The following PLEC variants were observed in gnomAD, a reference collection of about 807,000 sequenced individuals.
The protein encoded by PLEC is hemidesmosomal protein 1.
Under a neutral mutation model 392.8 loss-of-function variants are expected in PLEC, and 216 were observed. That is an observed-to-expected ratio of 0.55 (90% CI 0.49 to 0.62). The LOEUF (loss-of-function observed/expected upper bound fraction) is 0.62, where lower values mean the gene tolerates loss of function less well. PLEC is among the 20% of genes least tolerant of loss of function. PLEC has a pLI of 0.00. For missense variants in PLEC, 6,863 were observed against 6,563.4 expected (o/e 1.05, Z -1.58); for synonymous variants, 3,621 against 2,980.6 (o/e 1.21, Z -7.00).
At chr8:143,944,701 G>T (rs781803848) in intron 1 of PLEC, 5 of 1,304,694 alleles carry the variant, frequency 3.8e-6, no homozygotes, top group Non-Finnish European at 4.9e-6. Flanking sequence ...CAGACGGAGC[G>T]GGCCAGGGGT....
intron 1 of PLEC, among the ~76,000 whole-genome samples, chr8:143,949,746 C>T (rs1340932223): frequency 2.6e-5 from 4 of 152,202 alleles, no homozygotes; most frequent in African/African-American, 9.6e-5. Flanking sequence ...CATCAACCCC[C>T]GCGGCAAGGG....
rs782819815 is a variant in PLEC at position 143,927,608 on chromosome 8, C to A, written c.3558G>T (p.Glu1186Asp). 6.3e-7 allele frequency: 1 copy of A among 1,587,444 alleles called. No homozygotes were observed. Among genetic ancestry groups the A allele is most frequent in the South Asian group, 1.1e-5 (1 of 89,496 alleles). The change falls in exon 27 of 32, where the codon GAG becomes GAT. Residue 1186 changes from glutamate (E) to aspartate (D), a missense_variant. Glu to Asp is a conservative substitution (Grantham distance 45, BLOSUM62 2). Coordinates refer to ENST00000345136, the MANE Select transcript of PLEC (RefSeq NM_201384.3). ...RWRERVAQLL[E>D]RWQAVLAQTD... Reference sequence around the variant, plus strand: ...TCTGGGCCAGCACAGCCTGCCAGCGCTCAAGCAACTGGGCGACCCGCTCCC... The same window carrying A: ...TCTGGGCCAGCACAGCCTGCCAGCGATCAAGCAACTGGGCGACCCGCTCCC...
chr8:143,967,398 C>G (rs1357387848), intron 1 of PLEC, among the ~76,000 whole-genome samples: 2 of 136,552 alleles, frequency 1.5e-5, no homozygotes, highest in African/African-American at 5.5e-5. Flanking sequence ...AAGAAACAGA[C>G]AGAATTAAAC....
Position 143,916,239 on chromosome 8 carries a change from C to CGTAGCCCGAGGAGGA in PLEC, c.13567_13581dup (p.Ser4523_Tyr4527dup). 6.5e-7 allele frequency: 1 copy of CGTAGCCCGAGGAGGA among 1,546,648 alleles called. No individual in the cohort carries two copies. Among genetic ancestry groups the CGTAGCCCGAGGAGGA allele is most frequent in the Non-Finnish European group, 8.7e-7 (1 of 1,145,870 alleles). ...GAGGACCCCGAGGCGTAGCGGCGGC[C>CGTAGCCCGAGGAGGA]GTAGCCCGAGGAGGAGTAGGAGGAT... is the stretch of plus-strand genomic sequence containing the variant. On this transcript the variant is annotated inframe_insertion, in exon 32 of 32. Coordinates refer to ENST00000345136, the MANE Select transcript of PLEC (RefSeq NM_201384.3).
intron 5 of PLEC, among the ~76,000 whole-genome samples, chr8:143,936,250 C>T (rs553883612): frequency 2.0e-5 from 3 of 152,298 alleles, no homozygotes; most frequent in South Asian, 2.1e-4. Flanking sequence ...GCTGCCACCA[C>T]GCAGCTCAGA....
chr8:143,937,126 G>A, intron 4 of PLEC, 39 bp downstream of exon 4: 2 of 1,607,948 alleles, frequency 1.2e-6, no homozygotes, highest in African/African-American at 1.3e-5. Context: ...GCTTGGTGAG[G>A]GGTCTGGGTG....
upstream of PLEC, among the ~76,000 whole-genome samples, chr8:143,976,037 A>G (rs1462732603): frequency 2.6e-5 from 4 of 151,964 alleles, no homozygotes; most frequent in Non-Finnish European, 5.9e-5. Flanking sequence ...AGGACTCCCC[A>G]TCACGCCACC....
rs1829580731 is a variant in PLEC at position 143,938,242 on chromosome 8, T to C, written c.175-2A>G. On this transcript the variant is annotated splice_acceptor_variant, in intron 2 of 31. Coordinates refer to ENST00000345136, the MANE Select transcript of PLEC (RefSeq NM_201384.3). LOFTEE classifies it high-confidence loss of function. ...CAGGTCACTGATGTGCCTCTGGGCC[T>C]GTGGGGACAGCAGCGGCTGAGGTGG... The C allele has an allele frequency of 6.3e-7, 1 of 1,595,886 alleles. No homozygotes were observed. Among genetic ancestry groups the C allele is most frequent in the South Asian group, 1.1e-5 (1 of 88,850 alleles).
intron 30 of PLEC, among the ~76,000 whole-genome samples, chr8:143,926,125 C>CCGCAG (rs1230555072): frequency 6.6e-6 from 1 of 152,246 alleles, no homozygotes; most frequent in Non-Finnish European, 1.5e-5. Context: ...TCCCTGCTTC[C>CCGCAG]CGCAGACAGG....
rs1441307300 is a variant in PLEC at position 143,921,029 on chromosome 8, T to A, written c.8792A>T (p.Glu2931Val). 6.2e-7 allele frequency: 1 copy of A among 1,612,854 alleles called. No homozygotes were observed. The highest frequency in any genetic ancestry group is 1.7e-5 in the Admixed American group (1 of 60,016). ...CCGCCGCTGCTCTGCCGTGAAGTAT[T>A]CCGAGTTGATGATCTCCCAAATGGT... ...TVTIWEIINS[E>V]YFTAEQRRDL... The change falls in exon 32 of 32, where the codon GAA becomes GTA. Residue 2931 changes from glutamate to valine, a missense_variant. By Grantham distance (121) the Glu-to-Val change is moderately radical (BLOSUM62 -2). Transcript: ENST00000345136.
intron 17 of PLEC, 30 bp downstream of exon 17, chr8:143,932,100 G>A (rs782776601): frequency 2.2e-5 from 30 of 1,370,746 alleles, no homozygotes; most frequent in African/African-American, 1.9e-4. Flanking sequence ...GGCCCCCCCC[G>A]CAGCCCCGCC....
At chr8:143,960,142 C>G (rs1832803609) in intron 1 of PLEC, among the ~76,000 whole-genome samples, 4 of 151,508 alleles carry the variant, frequency 2.6e-5, no homozygotes, top group Admixed American at 1.3e-4. Flanking sequence ...ATTAGCTGGG[C>G]ATGGTGGTGC....
chr8:143,917,771 G>C lies in PLEC; in HGVS notation c.12050C>G (p.Pro4017Arg). The change falls in exon 32 of 32, where the codon CCC becomes CGC. Residue 4017 changes from proline to arginine, a missense_variant. Coordinates refer to ENST00000345136, the MANE Select transcript of PLEC (RefSeq NM_201384.3). ...AERAVTGYKDPYSGKLISLFQ... is the reference protein window; with the variant it reads ...AERAVTGYKDRYSGKLISLFQ... ...GAGGGAGATGAGCTTCCCAGAGTAG[G>C]GGTCCTTGTACCCAGTGACGGCGCG... 6.2e-7 allele frequency: 1 copy of C among 1,613,560 alleles called. No individual in the cohort carries two copies. Among genetic ancestry groups the C allele is most frequent in the Non-Finnish European group, 8.5e-7 (1 of 1,179,990 alleles).
At chr8:143,943,749 G>A (rs782581557), upstream of PLEC, 14 of 1,602,390 alleles carry the variant, frequency 8.7e-6, no homozygotes, top group East Asian at 2.3e-5. Context: ...GCCCCGCCTC[G>A]AGTCCCTGGC....
chr8:143,975,068 C>A, upstream of PLEC: 3 of 1,233,644 alleles, frequency 2.4e-6, no homozygotes, highest in Non-Finnish European at 3.5e-6. The surrounding 1 kb of genome is among the most constrained non-coding windows in gnomAD (Gnocchi z 9.9). Flanking sequence ...ACCCGCAGAT[C>A]CCCCTAGGCC....
In PLEC at chr8:143,927,881, C is replaced by T. The variant is rs1051657609; in HGVS notation, c.3372G>A (p.Glu1124=). ...EAQAVPATLP[E]LEATKASLKK... ...TCAGAGAGGCCTTGGTGGCCTCGAG[C>T]TCCGGGAGGGTGGCCGGCACGGCCT... is the stretch of plus-strand genomic sequence containing the variant. The change falls in exon 26 of 32, where the codon GAG becomes GAA. Residue 1124 remains glutamate (E), a synonymous_variant. Coordinates refer to ENST00000345136, the MANE Select transcript of PLEC (RefSeq NM_201384.3). 10 of 1,591,198 alleles carry T rather than the reference C, an allele frequency of 6.3e-6. No homozygotes were observed. In the Admixed American group the frequency reaches 7.1e-5, roughly 11 times the overall value.
In PLEC at chr8:143,922,760, G is replaced by C. The variant is rs1554690426; in HGVS notation, c.7169C>G (p.Ala2390Gly). The C allele has an allele frequency of 6.2e-7, 1 of 1,607,716 alleles. No individual in the cohort carries two copies. Among genetic ancestry groups the C allele is most frequent in the Non-Finnish European group, 8.5e-7 (1 of 1,178,884 alleles). ...AEAERLKLRV[A>G]EMSRAQARAE... is the part of the protein sequence containing the mutation. ...GCGGGCCTGGGCTCGGCTCATCTCG[G>C]CCACACGCAGCTTGAGGCGCTCAGC... Residue 2390 changes from alanine (A) to glycine (G), a missense_variant, in exon 31 of 32, where the codon GCC becomes GGC. Coordinates refer to ENST00000345136, the MANE Select transcript of PLEC (RefSeq NM_201384.3).
At position 143,925,134 on chromosome 8, in the gene PLEC, C is replaced by G. The variant is rs782412083; in HGVS notation, c.4795G>C (p.Glu1599Gln). Reference sequence around the variant, plus strand: ...CGCAGCTGTGCCACAGCCACGTGTTCCTCCTGCAGGGAGCGCTCCAGCTGT... The same window carrying G: ...CGCAGCTGTGCCACAGCCACGTGTTGCTCCTGCAGGGAGCGCTCCAGCTGT... ...TAQLERSLQE[E>Q]HVAVAQLREE... The change falls in exon 31 of 32, where the codon GAA becomes CAA. Residue 1599 changes from glutamate to glutamine, a missense_variant. Transcript: ENST00000345136. The G allele has an allele frequency of 3.2e-6, 5 of 1,558,926 alleles. No individual in the cohort carries two copies. The highest frequency in any genetic ancestry group is 3.4e-6 in the Non-Finnish European group (4 of 1,160,398).
At position 143,920,238 on chromosome 8, in the gene PLEC, G is replaced by A. The variant is rs1007239693; in HGVS notation, c.9583C>T (p.Leu3195Phe). Residue 3195 changes from leucine (L) to phenylalanine (F), a missense_variant, in exon 32 of 32, where the codon CTC (leucine) becomes TTC (phenylalanine). By Grantham distance (22) the Leu-to-Phe change is conservative. Transcript: ENST00000345136. Reference protein sequence around the residue: ...STGEPATYGELQQRCRPDQLT... With the variant: ...STGEPATYGEFQQRCRPDQLT... ...TGGTCGGGCCGGCACCGCTGCTGGAGCTCGCCGTAGGTGGCCGGCTCCCCT... is the reference window on the plus strand; with the variant it reads ...TGGTCGGGCCGGCACCGCTGCTGGAACTCGCCGTAGGTGGCCGGCTCCCCT... 1.9e-6 allele frequency: 3 copies of A among 1,602,488 alleles called. No individual in the cohort carries two copies. Among genetic ancestry groups the A allele is most frequent in the Non-Finnish European group, 2.5e-6 (3 of 1,178,730 alleles).
Sources: gnomAD v4.1 joint callset for allele counts (sites outside exome capture counted in the v4.1 genomes callset) on GRCh38, gnomAD v4.1.1 for gene constraint, Gnocchi (gnomAD v3.1) non-coding constraint, MANE v1.5 for transcripts, NCBI Gene and HGNC (gene_info 2026-07-23, HGNC 2026-07-21) for gene names.